The following AK3 variants were observed in gnomAD, a reference collection of about 807,000 sequenced individuals.
AK3 encodes the protein GTP:AMP phosphotransferase AK3, mitochondrial.
AK3 carries 27 observed loss-of-function variants against 23.7 expected under a neutral mutation model. The observed-to-expected ratio is 1.14, with a 90% CI of 0.84 to 1.57. The LOEUF is 1.57. AK3 is among the 40% of genes most tolerant of loss of function. The probability of loss-of-function intolerance (pLI) is 0.00; values close to 1 mark genes in which losing one functional copy is unlikely to be tolerated. For synonymous variants in AK3, 159 were observed against 116.0 expected (o/e 1.37, Z -2.38); for missense variants, 406 against 285.6 (o/e 1.42, Z -3.04).
intron 1 of AK3, among the ~76,000 whole-genome samples, chr9:4,725,294 G>C (rs1587647729): frequency 6.6e-6 from 1 of 151,812 alleles, no homozygotes; most frequent in African/African-American, 2.4e-5. Context: ...TGGGATTACA[G>C]GTGTGAGCCA....
At chr9:4,741,394 C>T (rs1842432450), upstream of AK3, 3 of 277,876 alleles carry the variant, frequency 1.1e-5, no homozygotes, top group East Asian at 1.9e-4. Flanking sequence ...CGCCCAGCTC[C>T]CACCTGCGCC....
intron 1 of AK3, among the ~76,000 whole-genome samples, chr9:4,726,671 G>A (rs1241510756): frequency 6.6e-6 from 1 of 151,496 alleles, no homozygotes; most frequent in Non-Finnish European, 1.5e-5. Context: ...CATGAGGGTT[G>A]GAATCAACTT....
chr9:4,715,803 C>CCAGCA (rs1841710827), intron 4 of AK3, among the ~76,000 whole-genome samples: 1 of 152,048 alleles, frequency 6.6e-6, no homozygotes, highest in African/African-American at 2.4e-5. Flanking sequence ...TGTTATCTGC[C>CCAGCA]CAGCAACAAT....
chr9:4,719,266 C>G lies in AK3; in HGVS notation c.313G>C (p.Ala105Pro). Residue 105 changes from alanine (A) to proline (P), a missense_variant, in exon 3 of 5, where the codon GCT becomes CCT. Coordinates refer to ENST00000381809, the MANE Select transcript of AK3 (RefSeq NM_016282.4). Reference protein sequence around the residue: ...TLPQAEALDRAYQIDTVINLN... With the variant: ...TLPQAEALDRPYQIDTVINLN... ...TTAATCACTGTGTCGATCTGATAAGCTCTATCTAGGGCTTCTGCCTGTGGA... is the reference window on the plus strand; with the variant it reads ...TTAATCACTGTGTCGATCTGATAAGGTCTATCTAGGGCTTCTGCCTGTGGA... 6.4e-7 allele frequency: 1 copy of G among 1,570,704 alleles called. No individual in the cohort carries two copies. The highest frequency in any genetic ancestry group is 8.7e-7 in the Non-Finnish European group (1 of 1,154,094).
intron 1 of AK3, among the ~76,000 whole-genome samples, chr9:4,740,619 C>T (rs770763192): frequency 5.9e-5 from 9 of 152,214 alleles, no homozygotes; most frequent in Non-Finnish European, 1.3e-4. Context: ...CTCGATGGAC[C>T]CCCAAGAGTG....
intron 1 of AK3, among the ~76,000 whole-genome samples, chr9:4,724,309 A>T (rs899035321): frequency 2.0e-5 from 3 of 152,080 alleles, no homozygotes; most frequent in Non-Finnish European, 1.5e-5. Flanking sequence ...TCCCAAAAAC[A>T]CCTGTTATTG....
At chr9:4,727,481 T>G (rs544488776) in intron 1 of AK3, among the ~76,000 whole-genome samples, 1 of 152,356 alleles carries the variant, frequency 6.6e-6, no homozygotes, top group South Asian at 2.1e-4. Context: ...CAACCTCTGC[T>G]AGCTTCAAAT....
chr9:4,713,484 T>C (rs1330903577), intron 4 of AK3, among the ~76,000 whole-genome samples: 1 of 152,184 alleles, frequency 6.6e-6, no homozygotes, highest in Non-Finnish European at 1.5e-5. Context: ...AATCACCAAG[T>C]TGGTAGTACA....
chr9:4,739,597 G>A (rs1053956768), intron 1 of AK3, among the ~76,000 whole-genome samples: 11 of 151,818 alleles, frequency 7.2e-5, no homozygotes, highest in African/African-American at 2.7e-4. Context: ...CACTAGTGCA[G>A]AGTATATACA....
At chr9:4,713,395 A>T (rs1458248351) in intron 4 of AK3, among the ~76,000 whole-genome samples, 1 of 152,212 alleles carries the variant, frequency 6.6e-6, no homozygotes, top group East Asian at 1.9e-4. Flanking sequence ...TACATATTAT[A>T]GTTTGTTTAA....
intron 1 of AK3, among the ~76,000 whole-genome samples, chr9:4,728,944 C>T (rs1031635611): frequency 1.4e-5 from 2 of 140,670 alleles, no homozygotes; most frequent in African/African-American, 2.6e-5. Context: ...TACATATATA[C>T]ATACATATAT....
chr9:4,716,746 T>C (rs764222842), intron 4 of AK3, among the ~76,000 whole-genome samples: 1 of 152,068 alleles, frequency 6.6e-6, no homozygotes, highest in Admixed American at 6.6e-5. Flanking sequence ...CCGTGCAACA[T>C]GGCAAGAGCC....
Position 4,719,208 on chromosome 9 carries a change from C to T in AK3, c.371G>A (p.Arg124His), listed in dbSNP as rs558318849. ...LNVPFEVIKQRLTARWIHPAS... is the reference protein window; with the variant it reads ...LNVPFEVIKQHLTARWIHPAS... ...GGGATGAATCCAGCGAGCAGTAAGG[C>T]GTTGTTTAATGACCTCAAAGGGCAC... The change falls in exon 3 of 5, where the codon CGC becomes CAC. Residue 124 changes from arginine to histidine, a missense_variant. By Grantham distance (29) the Arg-to-His change is conservative (BLOSUM62 0). Transcript: ENST00000381809. 17 of 1,611,572 alleles carry T rather than the reference C, an allele frequency of 1.1e-5. No individual in the cohort carries two copies. The highest frequency in any genetic ancestry group is 3.3e-5 in the South Asian group (3 of 90,978).
At chr9:4,728,974 CCTACATATAT>C (rs569832333) in intron 1 of AK3, among the ~76,000 whole-genome samples, 1 of 134,232 alleles carries the variant, frequency 7.4e-6, no homozygotes, top group Non-Finnish European at 1.6e-5. Flanking sequence ...CATATATATA[CCTACATATAT>C]ATACACACAC....
chr9:4,723,872 T>C (rs907934526), intron 1 of AK3, among the ~76,000 whole-genome samples: 5 of 152,208 alleles, frequency 3.3e-5, no homozygotes, highest in African/African-American at 1.2e-4. Flanking sequence ...TTATTTCCAA[T>C]AAATAAATTC....
At chr9:4,728,025 T>C (rs1842057866) in intron 1 of AK3, among the ~76,000 whole-genome samples, 2 of 152,172 alleles carry the variant, frequency 1.3e-5, no homozygotes, top group African/African-American at 4.8e-5. Context: ...GTATAGTTCA[T>C]GGCACCCCAA....
At chr9:4,714,049 T>TACACCTACACATATAC (rs752939484) in intron 4 of AK3, among the ~76,000 whole-genome samples, 25 of 11,008 alleles carry the variant, frequency 2.3e-3, no homozygotes, top group East Asian at 7.4e-3. Flanking sequence ...TCTACACATA[T>TACACCTACACATATAC]ACACCTACAC....
chr9:4,735,082 T>C (rs1454687624), intron 1 of AK3, among the ~76,000 whole-genome samples: 1 of 151,290 alleles, frequency 6.6e-6, no homozygotes, highest in African/African-American at 2.4e-5. Flanking sequence ...TAAAATTGAT[T>C]ATTAAAGAAA....
chr9:4,718,714 A>T (rs559771352), intron 3 of AK3, among the ~76,000 whole-genome samples, 177 bp from the exon 4 acceptor site: 28 of 152,340 alleles, frequency 1.8e-4, no homozygotes, highest in African/African-American at 6.5e-4. Flanking sequence ...GAAACAGGGT[A>T]CGCCAGTTTC....
Sources: gnomAD v4.1 joint callset for allele counts (sites outside exome capture counted in the v4.1 genomes callset) on GRCh38, gnomAD v4.1.1 for gene constraint, MANE v1.5 for transcripts, NCBI Gene and HGNC (gene_info 2026-07-23, HGNC 2026-07-21) for gene names.